The following SLC13A3 variants were observed in gnomAD, a reference collection of about 807,000 sequenced individuals.
SLC13A3 encodes the protein solute carrier family 13 member 3.
In SLC13A3, 40 loss-of-function variants were observed where a neutral mutation model predicts 59.0. The observed-to-expected ratio is 0.68, with a 90% CI of 0.53 to 0.88. The LOEUF is 0.88. Ranked by LOEUF, SLC13A3 falls within the 40% of genes least tolerant of loss-of-function variation. The probability of loss-of-function intolerance (pLI) is 0.00; values close to 1 mark genes in which losing one functional copy is unlikely to be tolerated. For synonymous variants in SLC13A3, 317 were observed against 330.3 expected (o/e 0.96, Z 0.44); for missense variants, 699 against 783.2 (o/e 0.89, Z 1.28).
chr20:46,598,975 G>A (rs975716335), intron 4 of SLC13A3, among the ~76,000 whole-genome samples: 1 of 152,162 alleles, frequency 6.6e-6, no homozygotes, highest in African/African-American at 2.4e-5. Flanking sequence ...ACCTCTTGCA[G>A]AGATTTGCTC....
intron 1 of SLC13A3, among the ~76,000 whole-genome samples, chr20:46,680,246 G>A (rs2063147658): frequency 6.6e-6 from 1 of 152,188 alleles, no homozygotes; most frequent in East Asian, 1.9e-4. Flanking sequence ...GTGGGAAAGT[G>A]CGTCTTGTCT....
At chr20:46,632,433 C>T (rs768393154) in intron 1 of SLC13A3, among the ~76,000 whole-genome samples, 14 of 148,266 alleles carry the variant, frequency 9.4e-5, no homozygotes, top group Admixed American at 6.8e-4. Context: ...CATGGTGGGA[C>T]ATTGCCTGGA....
chr20:46,585,094 T>G, intron 8 of SLC13A3: 1 of 939,016 alleles, frequency 1.1e-6, no homozygotes, highest in Non-Finnish European at 1.3e-6. Flanking sequence ...TAGAGTACTA[T>G]GCAGTGTTTT....
At chr20:46,583,521 A>C in intron 9 of SLC13A3, 51 bp downstream of exon 9, 1 of 1,602,004 alleles carries the variant, frequency 6.2e-7, no homozygotes, top group Non-Finnish European at 8.5e-7. Flanking sequence ...ACCACACTCC[A>C]TGCCGCAGTC....
intron 8 of SLC13A3, among the ~76,000 whole-genome samples, chr20:46,584,794 A>G (rs1354384502): frequency 6.6e-6 from 1 of 152,224 alleles, no homozygotes; most frequent in Non-Finnish European, 1.5e-5. Flanking sequence ...ACCTTGAGAA[A>G]CAGTCGTACT....
chr20:46,641,703 A>G (rs2062847191), intron 1 of SLC13A3, among the ~76,000 whole-genome samples: 1 of 152,198 alleles, frequency 6.6e-6, no homozygotes, highest in Non-Finnish European at 1.5e-5. Flanking sequence ...GAGAAAAGAC[A>G]AGGGCAGGGG....
intron 1 of SLC13A3, among the ~76,000 whole-genome samples, chr20:46,615,651 A>C (rs2062547294): frequency 6.6e-6 from 1 of 152,188 alleles, no homozygotes; most frequent in Non-Finnish European, 1.5e-5. Context: ...GGTCTCAGGG[A>C]AGGTGGGGTT....
In SLC13A3 at chr20:46,560,140, T is replaced by G. The variant is rs2061918633; in HGVS notation, c.1691A>C (p.Asn564Thr). 1.9e-6 allele frequency: 3 copies of G among 1,613,936 alleles called. No individual in the cohort carries two copies. The African/African-American group carries it at 4.0e-5, about 22-fold the overall frequency. The change falls in exon 13 of 13, where the codon AAT becomes ACT. Residue 564 changes from asparagine (N) to threonine (T), a missense_variant. Transcript: ENST00000279027. ...CTGGAAGATGGTCTGTGCCCAGGTA[T>G]TCATAGCCAAACTGAGCAGCAGGAC... ...MGVLLLSLAM[N>T]TWAQTIFQLG...
At chr20:46,577,742 T>G (rs904554931) in intron 9 of SLC13A3, among the ~76,000 whole-genome samples, 3 of 152,236 alleles carry the variant, frequency 2.0e-5, no homozygotes, top group African/African-American at 7.2e-5. Context: ...CTCAACCTGA[T>G]ACCAGCCGAC....
chr20:46,646,997 T>C (rs1326458364), intron 1 of SLC13A3, among the ~76,000 whole-genome samples: 1 of 152,120 alleles, frequency 6.6e-6, no homozygotes, highest in Non-Finnish European at 1.5e-5. Flanking sequence ...CCTCTGACCT[T>C]ACAGGTGTAC....
At chr20:46,571,989 C>G (rs541892060) in intron 10 of SLC13A3, among the ~76,000 whole-genome samples, 2 of 152,260 alleles carry the variant, frequency 1.3e-5, no homozygotes, top group East Asian at 3.9e-4. Flanking sequence ...TTGTCCCATA[C>G]AGCTTTCTGT....
At position 46,645,530 on chromosome 20, in the gene SLC13A3, T is replaced by C. The variant is rs145019549; in HGVS notation, c.111+5781A>G. Among the ~76,000 whole-genome samples, 327 of 152,356 alleles carry C rather than the reference T, an allele frequency of 2.1e-3. 4 individuals are homozygous for C. Among genetic ancestry groups the C allele is most frequent in the African/African-American group, 7.6e-3 (315 of 41,586 alleles). Reference sequence around the variant, plus strand: ...CCAGACAAGACACGCTTCCAGGCTATGGGTCCAGTATTTCTTGAAGCATAA... The same window carrying C: ...CCAGACAAGACACGCTTCCAGGCTACGGGTCCAGTATTTCTTGAAGCATAA... On this transcript the variant is annotated intron_variant, in intron 1 of 12. Coordinates refer to ENST00000279027, the MANE Select transcript of SLC13A3 (RefSeq NM_022829.6).
intron 1 of SLC13A3, among the ~76,000 whole-genome samples, chr20:46,659,327 T>C (rs2063012811): frequency 6.6e-6 from 1 of 152,234 alleles, no homozygotes; most frequent in Non-Finnish European, 1.5e-5. Flanking sequence ...TTCTGTTTTA[T>C]TATTTTAGTG....
chr20:46,595,629 AC>A (rs1407284351), intron 5 of SLC13A3, among the ~76,000 whole-genome samples: 4 of 152,168 alleles, frequency 2.6e-5, no homozygotes, highest in African/African-American at 9.7e-5. Context: ...GACAACACTT[AC>A]CGCTATAACC....
chr20:46,627,121 A>G (rs1399672553), intron 1 of SLC13A3, among the ~76,000 whole-genome samples: 1 of 152,246 alleles, frequency 6.6e-6, no homozygotes, highest in South Asian at 2.1e-4. Flanking sequence ...CCATGCAAAC[A>G]GGGCCTTTTC....
intron 1 of SLC13A3, among the ~76,000 whole-genome samples, chr20:46,662,558 A>G (rs767681807): frequency 1.3e-5 from 2 of 152,236 alleles, no homozygotes; most frequent in East Asian, 1.9e-4. Context: ...AAAAGGAAGT[A>G]AGCACCTGCT....
intron 1 of SLC13A3, among the ~76,000 whole-genome samples, chr20:46,658,313 T>C (rs1190460209): frequency 1.3e-5 from 2 of 152,124 alleles, no homozygotes; most frequent in East Asian, 1.9e-4. Context: ...ACTTCAATTA[T>C]AGAAACCATA....
chr20:46,676,384 T>C (rs138818766), intron 1 of SLC13A3, among the ~76,000 whole-genome samples: 1,798 of 145,502 alleles, frequency 0.012, 52 homozygotes, highest in African/African-American at 0.043. Context: ...CACTGCCCCT[T>C]CACCAAGGGC....
At chr20:46,627,088 C>T (rs945643707) in intron 1 of SLC13A3, among the ~76,000 whole-genome samples, 4 of 152,212 alleles carry the variant, frequency 2.6e-5, no homozygotes, top group East Asian at 1.9e-4. Context: ...ATCTCTCTCT[C>T]GCCTCCCTGC....
Sources: allele counts gnomAD v4.1 joint callset (sites outside exome capture counted in the v4.1 genomes callset), GRCh38; gene constraint gnomAD v4.1.1; transcripts MANE v1.5; gene names NCBI Gene and HGNC (gene_info 2026-07-23, HGNC 2026-07-21).